CACNG2: variants seen among roughly 807,000 people sequenced by gnomAD.
CACNG2 encodes calcium voltage-gated channel auxiliary subunit gamma 2.
A neutral mutation model predicts 25.9 loss-of-function variants in CACNG2; 3 were observed. The ratio of observed to expected loss-of-function variants is 0.12; its 90% confidence interval spans 0.05 to 0.30. CACNG2 has a LOEUF of 0.30. CACNG2 is among the 10% of genes least tolerant of loss of function. The pLI, the probability that CACNG2 is intolerant of heterozygous loss-of-function variation, is 1.00. For missense variants in CACNG2, 341 were observed against 432.5 expected (o/e 0.79, Z 1.88); for synonymous variants, 167 against 173.3 (o/e 0.96, Z 0.29).
chr22:36,591,926 C>A (rs1052257228), intron 1 of CACNG2, among the ~76,000 whole-genome samples: 1 of 151,898 alleles, frequency 6.6e-6, no homozygotes, highest in African/African-American at 2.4e-5. Flanking sequence ...GGATCATCAA[C>A]TGAGAGTGAG....
At chr22:36,568,246 G>A (rs1344905833) in intron 2 of CACNG2, among the ~76,000 whole-genome samples, 1 of 152,182 alleles carries the variant, frequency 6.6e-6, no homozygotes, top group Non-Finnish European at 1.5e-5. Context: ...TGGTCAGGGA[G>A]GTTGGTTTTG....
At chr22:36,581,255 G>A (rs1935413499) in intron 2 of CACNG2, among the ~76,000 whole-genome samples, 1 of 152,306 alleles carries the variant, frequency 6.6e-6, no homozygotes, top group Admixed American at 6.5e-5. Flanking sequence ...CCGGGGTAGT[G>A]ATGAGGGACT....
At chr22:36,679,414 T>A (rs1937067160) in intron 1 of CACNG2, among the ~76,000 whole-genome samples, 1 of 152,128 alleles carries the variant, frequency 6.6e-6, no homozygotes, top group Non-Finnish European at 1.5e-5. Flanking sequence ...AGGAGATGGC[T>A]CTCTGAGGGC....
At chr22:36,630,132 G>C (rs1342301355) in intron 1 of CACNG2, among the ~76,000 whole-genome samples, 1 of 152,194 alleles carries the variant, frequency 6.6e-6, no homozygotes, top group Admixed American at 6.5e-5. Flanking sequence ...TGTGGCCACA[G>C]AGGTAAGCAG....
intron 1 of CACNG2, among the ~76,000 whole-genome samples, chr22:36,645,536 CAAAAAAAAAAAAAAAAAAA>C (rs200600420): frequency 8.2e-4 from 110 of 134,716 alleles, no homozygotes; most frequent in South Asian, 9.7e-4. Context: ...GACTCTGTCT[CAAAAAAAAAAAAAAAAAAA>C]AAAAAAAAAA....
intron 1 of CACNG2, among the ~76,000 whole-genome samples, chr22:36,598,961 G>C (rs1033909747): frequency 2.0e-5 from 3 of 152,210 alleles, no homozygotes; most frequent in African/African-American, 7.2e-5. Context: ...CTGGGTGACA[G>C]AGTGAGACCC....
intron 1 of CACNG2, among the ~76,000 whole-genome samples, chr22:36,620,933 T>G (rs1275585340): frequency 6.6e-6 from 1 of 152,224 alleles, no homozygotes; most frequent in Admixed American, 6.5e-5. Context: ...AAATCTAGTG[T>G]CAGAGCTGCC....
intron 1 of CACNG2, among the ~76,000 whole-genome samples, chr22:36,608,813 T>C (rs1935881253): frequency 6.6e-6 from 1 of 152,208 alleles, no homozygotes; most frequent in Non-Finnish European, 1.5e-5. Flanking sequence ...TCACAGTTTC[T>C]TGTGAGGGTT....
chr22:36,568,137 C>T (rs113244438), intron 2 of CACNG2, among the ~76,000 whole-genome samples: 14 of 152,024 alleles, frequency 9.2e-5, no homozygotes, highest in South Asian at 4.2e-4. Context: ...CTTGAGCCAC[C>T]GTGCCTGGCC....
intron 1 of CACNG2, among the ~76,000 whole-genome samples, chr22:36,661,877 G>A (rs1270189864): frequency 6.6e-6 from 1 of 150,942 alleles, no homozygotes; most frequent in Non-Finnish European, 1.5e-5. Context: ...TCTTCACCTG[G>A]AAAATGGGGC....
At chr22:36,679,560 G>A (rs922387279) in intron 1 of CACNG2, among the ~76,000 whole-genome samples, 1 of 152,182 alleles carries the variant, frequency 6.6e-6, no homozygotes, top group Admixed American at 6.5e-5. Flanking sequence ...CAGGTGAAAG[G>A]GTATTAAGTT....
At chr22:36,681,998 C>A (rs140263961) in intron 1 of CACNG2, among the ~76,000 whole-genome samples, 205 of 152,328 alleles carry the variant, frequency 1.3e-3, no homozygotes, top group Admixed American at 2.5e-3. Context: ...TACCATCAGC[C>A]CATCTTCATG....
rs1935038385 is a variant in CACNG2 at position 36,562,128 on chromosome 22, A to ATG, written c.*2221_*2222dup. ...CCTGAACAGCTTTATGTTTGCTCACATGTGTGTATTTTTGCTTTGACATTG... is the reference window on the plus strand; with the variant it reads ...CCTGAACAGCTTTATGTTTGCTCACATGTGTGTGTATTTTTGCTTTGACATTG... On this transcript the variant is annotated 3_prime_UTR_variant, in exon 4 of 4. Coordinates refer to ENST00000300105, the MANE Select transcript of CACNG2 (RefSeq NM_006078.5). The ATG allele has an allele frequency of 1.3e-5, 2 of 152,642 alleles. No homozygotes were observed. Among genetic ancestry groups the ATG allele is most frequent in the Admixed American group, 6.6e-5 (1 of 15,262 alleles). 9.5% of individuals were successfully genotyped at this position (152,642 alleles called of 1,614,324 possible).
intron 2 of CACNG2, among the ~76,000 whole-genome samples, chr22:36,577,627 C>T (rs533634078): frequency 2.7e-4 from 37 of 138,018 alleles, no homozygotes; most frequent in Non-Finnish European, 3.8e-4. Flanking sequence ...TCCAGTCTGG[C>T]GACAGAGTGA....
intron 1 of CACNG2, among the ~76,000 whole-genome samples, chr22:36,626,479 C>T (rs1936185054): frequency 6.6e-6 from 1 of 152,068 alleles, no homozygotes; most frequent in African/African-American, 2.4e-5. Context: ...CTTCCTCCTT[C>T]TTCCCGCTCC....
chr22:36,602,543 G>T (rs529759021), intron 1 of CACNG2, among the ~76,000 whole-genome samples: 1 of 151,824 alleles, frequency 6.6e-6, no homozygotes, highest in Admixed American at 6.6e-5. Flanking sequence ...CCGCCACCAC[G>T]CCCAGCTAAT....
intron 2 of CACNG2, among the ~76,000 whole-genome samples, chr22:36,582,692 C>G (rs895411903): frequency 6.6e-6 from 1 of 151,668 alleles, no homozygotes; most frequent in Admixed American, 6.6e-5. Flanking sequence ...TACAGGCACC[C>G]GCCACCACGC....
At chr22:36,579,768 C>T (rs966747055) in intron 2 of CACNG2, among the ~76,000 whole-genome samples, 1 of 152,184 alleles carries the variant, frequency 6.6e-6, no homozygotes, top group Non-Finnish European at 1.5e-5. Context: ...TTTGCACTGG[C>T]GGTTCCCTCT....
At chr22:36,630,070 C>T (rs1030491677) in intron 1 of CACNG2, among the ~76,000 whole-genome samples, 2 of 152,000 alleles carry the variant, frequency 1.3e-5, no homozygotes, top group Non-Finnish European at 2.9e-5. Context: ...AGCTTGGTGT[C>T]GACGAGGACC....
Sources: gnomAD v4.1 joint callset for allele counts (sites outside exome capture counted in the v4.1 genomes callset) on GRCh38, gnomAD v4.1.1 for gene constraint, MANE v1.5 for transcripts, NCBI Gene and HGNC (gene_info 2026-07-23, HGNC 2026-07-21) for gene names.